The following ATP6AP1 variants were observed in gnomAD, a reference collection of about 807,000 sequenced individuals.
The protein encoded by ATP6AP1 is V-type proton ATPase subunit S1.
Under a neutral mutation model 32.0 loss-of-function variants are expected in ATP6AP1, and 1 was observed. The observed-to-expected ratio is 0.03, with a 90% CI of 0.01 to 0.15. The LOEUF is 0.15. ATP6AP1 is among the 10% of genes least tolerant of loss of function. The probability of loss-of-function intolerance (pLI) is 1.00; values close to 1 mark genes in which losing one functional copy is unlikely to be tolerated. For missense variants in ATP6AP1, 297 were observed against 398.8 expected (o/e 0.74, Z 2.17); for synonymous variants, 187 against 174.9 (o/e 1.07, Z -0.55).
Position 154,428,811 on chromosome X carries a change from C to T in ATP6AP1, c.119C>T (p.Ala40Val), listed in dbSNP as rs1273148864. 7 of 1,115,368 alleles carry T rather than the reference C, an allele frequency of 6.3e-6. No individual in the cohort carries two copies. The African/African-American group carries it at 9.6e-5, about 15-fold the overall frequency. 91.9% of individuals were successfully genotyped at this position (1,115,368 alleles called of 1,213,427 possible). A position where few individuals can be genotyped will look rare whatever the true frequency, so the allele number is the denominator to read the frequency against. ...TTGGCGGCGGCGGCGGCGGCGGCAG[C>T]GGCGGAGCAGCAGGTCCCGCTGGTG... ...LSLAAAAAAA[A>V]AEQQVPLVLW... The change falls in exon 1 of 10, where the codon GCG (alanine) becomes GTG (valine). Residue 40 changes from alanine to valine, a missense_variant. Ala to Val is a moderately conservative substitution (Grantham distance 64, BLOSUM62 0). Coordinates refer to ENST00000369762, the MANE Select transcript of ATP6AP1 (RefSeq NM_001183.6).
At position 154,431,910 on chromosome X, in the gene ATP6AP1, A is replaced by G; in HGVS notation, c.363+6A>G. 8.3e-7 allele frequency: 1 copy of G among 1,209,868 alleles called. No homozygotes were observed. The highest frequency in any genetic ancestry group is 1.1e-6 in the Non-Finnish European group (1 of 893,868). ...GCGCCTTTTCTAACCTAGAGGTGAG[A>G]GTCCTCTCCCAGCCAGGGGCCATGG... On this transcript the variant is annotated splice_donor_region_variant and intron_variant, in intron 3 of 9. Coordinates refer to ENST00000369762, the MANE Select transcript of ATP6AP1 (RefSeq NM_001183.6).
At position 154,432,321 on chromosome X, in the gene ATP6AP1, C is replaced by T. The variant is rs1466455409; in HGVS notation, c.419C>T (p.Ala140Val). Residue 140 changes from alanine (A) to valine (V), a missense_variant, in exon 4 of 10, where the codon GCA becomes GTA. Ala to Val is a moderately conservative substitution (Grantham distance 64). Coordinates refer to ENST00000369762, the MANE Select transcript of ATP6AP1 (RefSeq NM_001183.6). ...GTGCTTCCTGCCGTCGACTGGTATGCAGTCAGCACTCTGACCACTTACCTG... is the reference window on the plus strand; with the variant it reads ...GTGCTTCCTGCCGTCGACTGGTATGTAGTCAGCACTCTGACCACTTACCTG... ...SLVLPAVDWY[A>V]VSTLTTYLQE... 2 of 1,212,254 alleles carry T rather than the reference C, an allele frequency of 1.6e-6. No individual in the cohort carries two copies. Among genetic ancestry groups the T allele is most frequent in the South Asian group, 1.8e-5 (1 of 57,021 alleles).
chrX:154,431,808 G>A, intron 2 of ATP6AP1, 22 bp from the exon 3 acceptor site: 3 of 1,207,826 alleles, frequency 2.5e-6, no homozygotes, highest in South Asian at 1.8e-5. Flanking sequence ...CTCCTCAGAT[G>A]TCTCCCCTAT....
intron 2 of ATP6AP1, chrX:154,430,040 A>G (rs1557196530): frequency 1.8e-5 from 2 of 112,021 alleles, no homozygotes; most frequent in African/African-American, 3.2e-5. Flanking sequence ...AATCTTTGTG[A>G]ATGACAGTTT....
chrX:154,435,028 T>C (rs2068711695), intron 7 of ATP6AP1, 111 bp from the exon 8 acceptor site: 2 of 875,862 alleles, frequency 2.3e-6, no homozygotes, highest in Admixed American at 3.2e-5. Flanking sequence ...TTCAGGTGGC[T>C]GCAAGGACCC....
At chrX:154,429,250 C>T in intron 2 of ATP6AP1, 76 bp downstream of exon 2, 1 of 1,136,988 alleles carries the variant, frequency 8.8e-7, no homozygotes, top group Non-Finnish European at 1.2e-6. Flanking sequence ...CACTGACGCC[C>T]ATTCCCCAAG....
intron 6 of ATP6AP1, among the ~76,000 whole-genome samples, 170 bp downstream of exon 6, chrX:154,433,890 G>A (rs1569553280): frequency 9.0e-6 from 1 of 111,695 alleles, no homozygotes. Flanking sequence ...GGCTGACTCT[G>A]GGGGCAGGGC....
In ATP6AP1 at chrX:154,432,970, C is replaced by T. The variant is rs782427033; in HGVS notation, c.597C>T (p.Asn199=). The change falls in exon 5 of 10, where the codon AAC becomes AAT. Residue 199 remains asparagine, a splice_region_variant and synonymous_variant. Coordinates refer to ENST00000369762, the MANE Select transcript of ATP6AP1 (RefSeq NM_001183.6). The stretch of plus-strand genomic sequence containing the variant: ...CACCCAGGGAAGTCCTCACAGGCAA[C>T]GGTGAGTAGAATCAGGGAGGATGCA... ...LMAPREVLTG[N]DEVIGQVLST... 4 of 1,209,077 alleles carry T rather than the reference C, an allele frequency of 3.3e-6. No homozygotes were observed. The highest frequency in any genetic ancestry group is 1.8e-5 in the South Asian group (1 of 56,800).
rs1379790208 is a variant in ATP6AP1, at chrX:154,436,163, G to A, written c.*272G>A. Reference sequence around the variant, plus strand: ...GAGGCGTAAGGGACATGAATTCTAGGGTCTCCTTTCTCCTTATTTATTCTT... The same window carrying A: ...GAGGCGTAAGGGACATGAATTCTAGAGTCTCCTTTCTCCTTATTTATTCTT... On this transcript the variant is annotated 3_prime_UTR_variant, in exon 10 of 10. Transcript: ENST00000369762. 2 of 376,858 alleles carry A rather than the reference G, an allele frequency of 5.3e-6. No individual in the cohort carries two copies. Among genetic ancestry groups the A allele is most frequent in the African/African-American group, 2.5e-5 (1 of 39,392 alleles). The allele number at this position is 376,858 out of a possible 1,213,427, so 31.1% of individuals were successfully genotyped here.
chrX:154,428,906 C>T, intron 1 of ATP6AP1, 53 bp downstream of exon 1: 1 of 1,093,295 alleles, frequency 9.1e-7, no homozygotes, highest in South Asian at 2.3e-5. Context: ...CCTCGCCCGA[C>T]TCCGGCGCTG....
intron 6 of ATP6AP1, 112 bp downstream of exon 6, chrX:154,433,832 T>C (rs191969885): frequency 3.8e-6 from 3 of 798,505 alleles, no homozygotes; most frequent in East Asian, 3.4e-5. Context: ...AGGCCCAGCA[T>C]AGGGGAAGCA....
chrX:154,429,251 A>C, intron 2 of ATP6AP1, 77 bp downstream of exon 2: 3 of 1,129,862 alleles, frequency 2.7e-6, no homozygotes, highest in Non-Finnish European at 3.6e-6. Context: ...ACTGACGCCC[A>C]TTCCCCAAGG....
rs373676552 is a variant in ATP6AP1, at chrX:154,429,126, C to T, written c.240C>T (p.Pro80=). The T allele has an allele frequency of 5.0e-6, 6 of 1,211,751 alleles. No individual in the cohort carries two copies. The highest frequency in any genetic ancestry group is 3.4e-6 in the Non-Finnish European group (3 of 895,444). The stretch of plus-strand genomic sequence containing the variant: ...TGCAGCTCTCTACCTACTTAGATCC[C>T]GCCCTGGAGCTGGGTCCCAGGAATG... ...SDLQLSTYLD[P]ALELGPRNVL... The change falls in exon 2 of 10, where the codon CCC becomes CCT. Residue 80 remains proline, a synonymous_variant. Transcript: ENST00000369762.
In ATP6AP1 at chrX:154,432,281, G is replaced by C. The variant is rs2148223321; in HGVS notation, c.379G>C (p.Ala127Pro). ...FSNLENALDL[A>P]PSSLVLPAVD... ...CTGTCCCCAGAATGCCCTGGACCTGGCCCCCTCCTCACTGGTGCTTCCTGC... is the reference window on the plus strand; with the variant it reads ...CTGTCCCCAGAATGCCCTGGACCTGCCCCCCTCCTCACTGGTGCTTCCTGC... Residue 127 changes from alanine (A) to proline (P), a missense_variant, in exon 4 of 10, where the codon GCC becomes CCC. Transcript: ENST00000369762. The C allele has an allele frequency of 8.3e-7, 1 of 1,205,999 alleles. No individual in the cohort carries two copies. The highest frequency in any genetic ancestry group is 1.1e-6 in the Non-Finnish European group (1 of 891,553).
At chrX:154,431,692 T>G in intron 2 of ATP6AP1, 138 bp from the exon 3 acceptor site, 18 of 527,369 alleles carry the variant, frequency 3.4e-5, no homozygotes, top group Admixed American at 5.4e-5. Flanking sequence ...CAACACACAG[T>G]TGTGCTCCAC....
Position 154,435,359 on chromosome X carries a change from G to A in ATP6AP1, c.1057G>A (p.Val353Ile), listed in dbSNP as rs781862242. 8 of 1,210,464 alleles carry A rather than the reference G, an allele frequency of 6.6e-6. No individual in the cohort carries two copies. Among genetic ancestry groups the A allele is most frequent in the African/African-American group, 1.7e-5 (1 of 57,268 alleles). The change falls in exon 9 of 10, where the codon GTC (valine) becomes ATC (isoleucine). Residue 353 changes from valine (V) to isoleucine (I), a missense_variant. Coordinates refer to ENST00000369762, the MANE Select transcript of ATP6AP1 (RefSeq NM_001183.6). ...ERLEVHSNGSVAYFNASQVTG... is the reference protein window; with the variant it reads ...ERLEVHSNGSIAYFNASQVTG... Reference sequence around the variant, plus strand: ...CCTCGAAGTCCACAGCAATGGCTCCGTCGCCTACTTCAATGCTTCCCAGGT... The same window carrying A: ...CCTCGAAGTCCACAGCAATGGCTCCATCGCCTACTTCAATGCTTCCCAGGT...
At chrX:154,434,121 G>T in intron 6 of ATP6AP1, 87 bp from the exon 7 acceptor site, 1 of 907,485 alleles carries the variant, frequency 1.1e-6, no homozygotes, top group Non-Finnish European at 1.6e-6. Context: ...GTGTCCTGTT[G>T]GGAGGGGAAG....
At chrX:154,431,764 T>C in intron 2 of ATP6AP1, 66 bp from the exon 3 acceptor site, 1 of 1,089,960 alleles carries the variant, frequency 9.2e-7, no homozygotes, top group Non-Finnish European at 1.3e-6. Context: ...GGAAGGTGGC[T>C]GTCCCCTGCC....
At position 154,434,324 on chromosome X, in the gene ATP6AP1, C is replaced by T. The variant is rs1438275936; in HGVS notation, c.801C>T (p.Ile267=). The change falls in exon 7 of 10, where the codon ATC becomes ATT. Residue 267 remains isoleucine, a synonymous_variant. Coordinates refer to ENST00000369762, the MANE Select transcript of ATP6AP1 (RefSeq NM_001183.6). ...PVSYNDTAPR[I]LFWAQNFSVA... ...GTTACAATGACACCGCTCCCCGGAT[C>T]CTGTTCTGGGCCCAAAACTTCTCTG... 7.4e-6 allele frequency: 9 copies of T among 1,210,041 alleles called. No individual in the cohort carries two copies. The Admixed American group carries it at 1.7e-4, about 23-fold the overall frequency.
Sources: gnomAD v4.1 joint callset for allele counts (sites outside exome capture counted in the v4.1 genomes callset) on GRCh38, gnomAD v4.1.1 for gene constraint, MANE v1.5 for transcripts, NCBI Gene and HGNC (gene_info 2026-07-23, HGNC 2026-07-21) for gene names.